Variants in THSD4 observed in about 807,000 individuals in gnomAD.
THSD4 encodes thrombospondin type 1 domain containing 4, also known as thrombospondin type-1 domain-containing protein 4.
A neutral mutation model predicts 119.0 loss-of-function variants in THSD4; 69 were observed. That is an observed-to-expected ratio of 0.58 (90% confidence interval 0.48 to 0.71). THSD4 has a LOEUF of 0.71. Ranked by LOEUF, THSD4 falls within the 30% of genes least tolerant of loss-of-function variation. The pLI is 0.00. For synonymous variants in THSD4, 524 were observed against 540.4 expected (o/e 0.97, Z 0.42); for missense variants, 1,393 against 1,391.1 (o/e 1.00, Z -0.02).
Position 71,682,904 on chromosome 15 carries a change from CT to C in THSD4, c.1357+22173del, listed in dbSNP as rs1478462750. Among the ~76,000 whole-genome samples the C allele has an allele frequency of 3.1e-3, 14 of 4,590 alleles. 1 individual carries two copies. Among genetic ancestry groups the C allele is most frequent in the African/African-American group, 7.4e-3 (14 of 1,896 alleles). 3.0% of individuals were successfully genotyped at this position (4,590 alleles called of 152,430 possible). A position where few individuals can be genotyped will look rare whatever the true frequency, so the allele number is the denominator to read the frequency against. ...TCTTTCTTTCTTTCTTTCTTTCTTT[CT>C]TTCTTCTTCTTCTTCTTTTTTTTTT... On this transcript the variant is annotated intron_variant, in intron 8 of 17. Coordinates refer to ENST00000261862, the MANE Select transcript of THSD4 (RefSeq NM_024817.3).
At chr15:71,761,266 A>G (rs1282395621) in intron 15 of THSD4, among the ~76,000 whole-genome samples, 1 of 152,136 alleles carries the variant, frequency 6.6e-6, no homozygotes, top group Non-Finnish European at 1.5e-5. Context: ...TCAAATTTTT[A>G]GCACAGAATT....
chr15:71,574,258 A>G (rs1289089411), intron 7 of THSD4, among the ~76,000 whole-genome samples: 2 of 152,170 alleles, frequency 1.3e-5, no homozygotes, highest in Non-Finnish European at 2.9e-5. Flanking sequence ...TGTCAATGCA[A>G]TGGCAAACAT....
At chr15:71,203,649 G>GT (rs1331823606) in intron 3 of THSD4, among the ~76,000 whole-genome samples, 2 of 152,226 alleles carry the variant, frequency 1.3e-5, no homozygotes, top group Non-Finnish European at 2.9e-5. Flanking sequence ...CTGGGCGACA[G>GT]AGCAAGACTC....
chr15:71,373,392 C>T (rs898092986), intron 6 of THSD4, among the ~76,000 whole-genome samples: 3 of 151,816 alleles, frequency 2.0e-5, no homozygotes, highest in Non-Finnish European at 4.4e-5. Flanking sequence ...TATTGGGTGC[C>T]GAGTTCTCTG....
At chr15:71,559,673 C>T (rs2049081493) in intron 7 of THSD4, among the ~76,000 whole-genome samples, 1 of 151,718 alleles carries the variant, frequency 6.6e-6, no homozygotes, top group Non-Finnish European at 1.5e-5. Flanking sequence ...ATCGCAATGA[C>T]ATATAAGGAA....
intron 7 of THSD4, among the ~76,000 whole-genome samples, chr15:71,650,252 C>T (rs903009667): frequency 6.6e-6 from 1 of 152,206 alleles, no homozygotes; most frequent in Non-Finnish European, 1.5e-5. Context: ...GACCATATGA[C>T]TGCAATGCCT....
At chr15:71,371,302 T>A (rs1263737700) in intron 6 of THSD4, among the ~76,000 whole-genome samples, 1 of 152,208 alleles carries the variant, frequency 6.6e-6, no homozygotes, top group Non-Finnish European at 1.5e-5. Flanking sequence ...TTGTTATGTA[T>A]GAATTTGATC....
At chr15:71,633,690 G>T (rs2050682496) in intron 7 of THSD4, among the ~76,000 whole-genome samples, 1 of 152,156 alleles carries the variant, frequency 6.6e-6, no homozygotes, top group African/African-American at 2.4e-5. Flanking sequence ...TTCCTGCTGG[G>T]TTATGATTAT....
intron 3 of THSD4, among the ~76,000 whole-genome samples, chr15:71,210,378 G>A (rs1428421855): frequency 6.6e-6 from 1 of 152,192 alleles, no homozygotes; most frequent in East Asian, 1.9e-4. Flanking sequence ...TGTTATTGGT[G>A]TCACTGTTAA....
Position 71,419,210 on chromosome 15 carries a change from T to G in THSD4, c.1152+7387T>G, listed in dbSNP as rs1176031956. ...TTCTTTTCTTTTCTTTTCTTTTTCT[T>G]TTTCTTTTTTTTTAGACAGTGTTGC... is the stretch of plus-strand genomic sequence containing the variant. On this transcript the variant is annotated intron_variant, in intron 7 of 17. Transcript: ENST00000261862. 3.8e-4 allele frequency among the ~76,000 whole-genome samples: 2 copies of G among 5,274 alleles called. 1 individual carries two copies. The highest frequency in any genetic ancestry group is 0.036 in the Non-Finnish European group (2 of 56). 3.5% of individuals were successfully genotyped at this position (5,274 alleles called of 152,430 possible).
Position 71,510,777 on chromosome 15 carries a change from T to A in THSD4, c.1152+98954T>A, listed in dbSNP as rs191901827. On this transcript the variant is annotated intron_variant, in intron 7 of 17. Transcript: ENST00000261862. Reference sequence around the variant, plus strand: ...TCATGCTTAACAACAGCAGGTAGAGTCTTTGGCATTGTGAAGGATAATTAA... The same window carrying A: ...TCATGCTTAACAACAGCAGGTAGAGACTTTGGCATTGTGAAGGATAATTAA... Among the ~76,000 whole-genome samples, 3 of 152,198 alleles carry A rather than the reference T, an allele frequency of 2.0e-5. No individual in the cohort carries two copies. In the East Asian group the frequency reaches 5.8e-4, roughly 29 times the overall value.
chr15:71,147,646 T>C (rs1027002857), intron 2 of THSD4: 4 of 152,238 alleles, frequency 2.6e-5, no homozygotes, highest in African/African-American at 7.2e-5. Flanking sequence ...GGAGGGAAAT[T>C]TACCAAAGCG....
intron 7 of THSD4, among the ~76,000 whole-genome samples, chr15:71,587,802 A>G (rs1277569831): frequency 0.016 from 1,855 of 118,506 alleles, 39 homozygotes; most frequent in African/African-American, 0.057. Flanking sequence ...AAAAAAAAGA[A>G]AAAAAAAAAA....
chr15:71,309,031 C>T (rs1442865304), intron 6 of THSD4, among the ~76,000 whole-genome samples: 2 of 152,206 alleles, frequency 1.3e-5, no homozygotes, highest in Non-Finnish European at 2.9e-5. Context: ...CTCACTGCAA[C>T]TTCCGCCTCC....
chr15:71,537,787 A>G (rs886486300), intron 7 of THSD4, among the ~76,000 whole-genome samples: 6 of 151,952 alleles, frequency 3.9e-5, no homozygotes, highest in African/African-American at 1.4e-4. Context: ...TTTGAGACAG[A>G]GTCTCACTCT....
At chr15:71,320,981 A>G (rs1165245486) in intron 6 of THSD4, among the ~76,000 whole-genome samples, 5 of 152,198 alleles carry the variant, frequency 3.3e-5, no homozygotes, top group African/African-American at 1.2e-4. Flanking sequence ...TCCATATTCC[A>G]TGGCAAGATA....
At chr15:71,255,675 C>T (rs1219248756) in intron 5 of THSD4, among the ~76,000 whole-genome samples, 3 of 152,214 alleles carry the variant, frequency 2.0e-5, no homozygotes, top group East Asian at 1.9e-4. Context: ...CAATGAGAGA[C>T]AGCCTGGTGG....
At chr15:71,459,334 CTCTG>C (rs1343181435) in intron 7 of THSD4, among the ~76,000 whole-genome samples, 5 of 135,312 alleles carry the variant, frequency 3.7e-5, no homozygotes, top group Admixed American at 7.9e-5. Context: ...ATCTCTCTCT[CTCTG>C]TCTCTCTGTC....
intron 5 of THSD4, among the ~76,000 whole-genome samples, chr15:71,252,131 C>G (rs554783129): frequency 6.6e-6 from 1 of 152,160 alleles, no homozygotes; most frequent in Non-Finnish European, 1.5e-5. Context: ...GGCTTTTCCC[C>G]TGTCTCAGTT....
Sources: gnomAD v4.1 joint callset for allele counts (sites outside exome capture counted in the v4.1 genomes callset) on GRCh38, gnomAD v4.1.1 for gene constraint, MANE v1.5 for transcripts, NCBI Gene and HGNC (gene_info 2026-07-23, HGNC 2026-07-21) for gene names.